Variants in EPB41L3 observed in about 807,000 individuals in gnomAD.
EPB41L3 encodes the protein erythrocyte membrane protein band 4.1 like 3.
A neutral mutation model predicts 127.1 loss-of-function variants in EPB41L3; 57 were observed. That is an observed-to-expected ratio of 0.45 (90% CI 0.36 to 0.56). The LOEUF (loss-of-function observed/expected upper bound fraction) is 0.56, where lower values mean the gene tolerates loss of function less well. Among genes scored for constraint, EPB41L3 ranks in the 20% least tolerant of loss-of-function variants. The pLI, the probability that EPB41L3 is intolerant of heterozygous loss-of-function variation, is 0.00. For synonymous variants in EPB41L3, 572 were observed against 549.5 expected, an observed-to-expected ratio of 1.04 and a Z score of -0.57; for missense variants, 1,273 against 1,372.2, an observed-to-expected ratio of 0.93 and a Z score of 1.14.
chr18:5,567,457 T>C (rs1387949695), intron 3 of EPB41L3: 1 of 152,246 alleles, frequency 6.6e-6, no homozygotes, highest in Admixed American at 6.5e-5. Context: ...AAGTAACTCA[T>C]AAATTAATTC....
At chr18:5,445,049 G>T in intron 4 of EPB41L3, 91 bp downstream of exon 4, 1 of 899,458 alleles carries the variant, frequency 1.1e-6, no homozygotes, top group Non-Finnish European at 1.8e-6. Context: ...GGGAGGTGGA[G>T]AAAGTGATCC....
chr18:5,533,307 C>T (rs1219148306), intron 1 of EPB41L3, among the ~76,000 whole-genome samples: 1 of 152,134 alleles, frequency 6.6e-6, no homozygotes, highest in South Asian at 2.1e-4. Context: ...AATTTATCTC[C>T]GGAGTCTAAG....
intron 3 of EPB41L3, among the ~76,000 whole-genome samples, chr18:5,459,016 C>A (rs532723351): frequency 2.0e-5 from 3 of 152,206 alleles, no homozygotes; most frequent in African/African-American, 7.2e-5. Flanking sequence ...TATATTTTAA[C>A]CTCAGGCACT....
intron 9 of EPB41L3, among the ~76,000 whole-genome samples, chr18:5,427,277 T>A (rs575594524): frequency 2.0e-5 from 3 of 152,294 alleles, no homozygotes; most frequent in South Asian, 4.1e-4. Flanking sequence ...TTCAGAGATA[T>A]AAGTATGCTA....
At chr18:5,460,089 T>C (rs569745608) in intron 3 of EPB41L3, among the ~76,000 whole-genome samples, 1 of 152,302 alleles carries the variant, frequency 6.6e-6, no homozygotes, top group East Asian at 1.9e-4. Context: ...GTGTCTATTG[T>C]CCCTATTTTT....
At chr18:5,627,093 G>A (rs180731197) in intron 1 of EPB41L3, among the ~76,000 whole-genome samples, 1 of 152,232 alleles carries the variant, frequency 6.6e-6, no homozygotes, top group East Asian at 1.9e-4. Flanking sequence ...TTTACGCAGT[G>A]CTCCAGGAGA....
intron 3 of EPB41L3, among the ~76,000 whole-genome samples, chr18:5,559,100 A>ATT (rs138427890): frequency 2.1e-4 from 32 of 151,742 alleles, no homozygotes; most frequent in Middle Eastern, 3.4e-3. Flanking sequence ...TGAATAAACA[A>ATT]TTTTTTTTTC....
At chr18:5,596,461 G>T (rs2094537769) in intron 3 of EPB41L3, among the ~76,000 whole-genome samples, 1 of 152,090 alleles carries the variant, frequency 6.6e-6, no homozygotes, top group Non-Finnish European at 1.5e-5. Flanking sequence ...GACGCCCAGG[G>T]TCTAACCACA....
intron 1 of EPB41L3, among the ~76,000 whole-genome samples, chr18:5,505,910 C>T (rs1299261101): frequency 6.6e-6 from 1 of 150,872 alleles, no homozygotes; most frequent in East Asian, 2.0e-4. Flanking sequence ...ACCTTCACCT[C>T]CATCCCCACC....
At chr18:5,513,803 C>A (rs2092642739) in intron 1 of EPB41L3, among the ~76,000 whole-genome samples, 1 of 152,158 alleles carries the variant, frequency 6.6e-6, no homozygotes, top group Admixed American at 6.6e-5. Context: ...TTAGCCCCTA[C>A]TTATTTATAT....
chr18:5,550,376 A>G (rs1343660798), intron 3 of EPB41L3, among the ~76,000 whole-genome samples: 1 of 152,106 alleles, frequency 6.6e-6, no homozygotes, highest in Non-Finnish European at 1.5e-5. Flanking sequence ...AAACAATATC[A>G]TTTATCGTTT....
intron 16 of EPB41L3, among the ~76,000 whole-genome samples, chr18:5,405,198 A>C (rs1237109517): frequency 1.3e-5 from 2 of 152,186 alleles, no homozygotes; most frequent in African/African-American, 4.8e-5. Flanking sequence ...AATAAGTGTA[A>C]TTGAATTCTT....
chr18:5,570,827 T>C (rs958188230), intron 3 of EPB41L3: 1 of 152,198 alleles, frequency 6.6e-6, no homozygotes, highest in Non-Finnish European at 1.5e-5. Flanking sequence ...GCAACGGAGA[T>C]GTGGCAAGAG....
At chr18:5,484,073 G>T (rs180933970) in intron 2 of EPB41L3, among the ~76,000 whole-genome samples, 376 of 16,008 alleles carry the variant, frequency 0.023, 13 homozygotes, top group Admixed American at 0.23. Flanking sequence ...TATAAAACAA[G>T]TCCAAACAAA....
At chr18:5,558,921 A>G (rs1037951626) in intron 3 of EPB41L3, among the ~76,000 whole-genome samples, 3 of 152,240 alleles carry the variant, frequency 2.0e-5, no homozygotes, top group African/African-American at 7.2e-5. Context: ...TTGTAATTCA[A>G]TTAGACTACA....
chr18:5,610,235 G>T (rs2094710473), intron 3 of EPB41L3: 2 of 985,102 alleles, frequency 2.0e-6, no homozygotes, highest in African/African-American at 3.5e-5. Context: ...CAAGAAGGGT[G>T]AGCAAAAAAG....
chr18:5,475,746 C>T (rs1013407901), intron 3 of EPB41L3, among the ~76,000 whole-genome samples: 3 of 152,190 alleles, frequency 2.0e-5, no homozygotes, highest in Non-Finnish European at 2.9e-5. Flanking sequence ...TGCTTTGCTT[C>T]AGCGTCCCAC....
intron 3 of EPB41L3, among the ~76,000 whole-genome samples, chr18:5,464,947 T>C (rs2084692135): frequency 6.6e-6 from 1 of 152,246 alleles, no homozygotes; most frequent in South Asian, 2.1e-4. Flanking sequence ...AGGAACACTA[T>C]ACCTACTTGT....
intron 3 of EPB41L3, among the ~76,000 whole-genome samples, chr18:5,604,138 A>G (rs915294329): frequency 6.6e-6 from 1 of 152,086 alleles, no homozygotes; most frequent in African/African-American, 2.4e-5. Context: ...CTTTTCTAGT[A>G]TACTCTGCTT....
Sources: gnomAD v4.1 joint callset for allele counts (sites outside exome capture counted in the v4.1 genomes callset) on GRCh38, gnomAD v4.1.1 for gene constraint, MANE v1.5 for transcripts, NCBI Gene and HGNC (gene_info 2026-07-23, HGNC 2026-07-21) for gene names.